GPATCH2L: variants seen among roughly 807,000 people sequenced by gnomAD.
GPATCH2L encodes the protein G patch domain-containing protein 2-like.
In GPATCH2L, 31 loss-of-function variants were observed where a neutral mutation model predicts 57.4. The observed-to-expected ratio is 0.54, with a 90% confidence interval of 0.41 to 0.73. GPATCH2L has a LOEUF of 0.73. Among genes scored for constraint, GPATCH2L ranks in the 30% least tolerant of loss-of-function variants. The pLI, the probability that GPATCH2L is intolerant of heterozygous loss-of-function variation, is 0.00. For synonymous variants in GPATCH2L, 199 were observed against 210.7 expected (o/e 0.94, Z 0.48); for missense variants, 481 against 599.9 (o/e 0.80, Z 2.07).
chr14:76,231,963 T>TGCAGC (rs375163040), intron 2 of GPATCH2L, among the ~76,000 whole-genome samples: 1 of 57,636 alleles, frequency 1.7e-5, no homozygotes, highest in African/African-American at 4.6e-5. Flanking sequence ...GGCAAACACA[T>TGCAGC]CTCACTGCAG....
chr14:76,169,773 G>C (rs984388971), intron 3 of GPATCH2L, among the ~76,000 whole-genome samples: 1 of 152,190 alleles, frequency 6.6e-6, no homozygotes, highest in Non-Finnish European at 1.5e-5. Context: ...GAATGCTTAT[G>C]AATAAGAAAA....
intron 9 of GPATCH2L, 87 bp from the exon 10 acceptor site, chr14:76,201,604 T>G: frequency 9.4e-7 from 1 of 1,068,810 alleles, no homozygotes; most frequent in Non-Finnish European, 1.3e-6. Context: ...AAGAAAATTT[T>G]TTTTCTAAGT....
chr14:76,198,695 A>G (rs981569302), intron 9 of GPATCH2L, among the ~76,000 whole-genome samples: 1 of 152,204 alleles, frequency 6.6e-6, no homozygotes, highest in African/African-American at 2.4e-5. Context: ...TTAATTAGTT[A>G]CATCAGGTTT....
At chr14:76,160,251 G>A (rs2038517720) in intron 2 of GPATCH2L, among the ~76,000 whole-genome samples, 1 of 152,178 alleles carries the variant, frequency 6.6e-6, no homozygotes, top group Admixed American at 6.5e-5. Flanking sequence ...AACTGGCCTT[G>A]CATTTCTGAA....
At chr14:76,218,935 T>A (rs1188967158), downstream of GPATCH2L, among the ~76,000 whole-genome samples, 1 of 150,550 alleles carries the variant, frequency 6.6e-6, no homozygotes, top group African/African-American at 2.4e-5. Context: ...ATACTTCACC[T>A]CTTATACCAG....
chr14:76,227,557 T>C (rs2040541333), intron 1 of GPATCH2L, among the ~76,000 whole-genome samples: 1 of 152,222 alleles, frequency 6.6e-6, no homozygotes, highest in African/African-American at 2.4e-5. Flanking sequence ...AACCCACAGC[T>C]TCAGTGGCAG....
At chr14:76,157,179 C>G (rs554640093) in intron 2 of GPATCH2L, among the ~76,000 whole-genome samples, 1 of 152,156 alleles carries the variant, frequency 6.6e-6, no homozygotes, top group African/African-American at 2.4e-5. Context: ...TCTAAATTCC[C>G]CTTGACTTGT....
At chr14:76,157,329 T>C (rs2139557225) in intron 2 of GPATCH2L, among the ~76,000 whole-genome samples, 1 of 152,338 alleles carries the variant, frequency 6.6e-6, no homozygotes, top group African/African-American at 2.4e-5. Flanking sequence ...GGAACTAAAA[T>C]CTCCCTTAAT....
rs185825232 is a variant in GPATCH2L at position 76,207,772 on chromosome 14, C to T, written c.*5921C>T. 13 of 152,188 alleles carry T rather than the reference C, an allele frequency of 8.5e-5. 1 individual carries two copies. The highest frequency in any genetic ancestry group is 7.2e-4 in the Admixed American group (11 of 15,280). 9.4% of individuals were successfully genotyped at this position (152,188 alleles called of 1,614,324 possible). A position where few individuals can be genotyped will look rare whatever the true frequency, so the allele number is the denominator to read the frequency against. On this transcript the variant is annotated 3_prime_UTR_variant, in exon 10 of 10. Coordinates refer to ENST00000261530, the MANE Select transcript of GPATCH2L (RefSeq NM_017926.4). ...TTTTGGTTGTTGTTATTGTCTGACT[C>T]GTGGATTCAGCATTTCAGAATATGG...
rs192281252 is a variant in GPATCH2L, at chr14:76,154,096, G to C, written c.-10-258G>C. The C allele has an allele frequency of 2.3e-5, 8 of 344,342 alleles. No homozygotes were observed. The Admixed American group carries it at 3.5e-4, about 15-fold the overall frequency. The allele number at this position is 344,342 out of a possible 1,614,324, so 21.3% of individuals were successfully genotyped here. A position where few individuals can be genotyped will look rare whatever the true frequency, so the allele number is the denominator to read the frequency against. ...GTCCCAGTTGTCTTCTGGTTAGTAG[G>C]TTTTTGTGCTTAAGAATATGTTGAC... On this transcript the variant is annotated intron_variant, in intron 1 of 9. Coordinates refer to ENST00000261530, the MANE Select transcript of GPATCH2L (RefSeq NM_017926.4). The surrounding 1 kb of genome is among the most constrained non-coding windows in gnomAD (Gnocchi z 4.4).
In GPATCH2L at chr14:76,180,636, C is replaced by T. The variant is rs141318792; in HGVS notation, c.1108-128C>T. On this transcript the variant is annotated intron_variant, in intron 7 of 9. Coordinates refer to ENST00000261530, the MANE Select transcript of GPATCH2L (RefSeq NM_017926.4). ...ATGAAATATGTGTGACTTTACTGAA[C>T]AGTGCCTGTGTTTGGTATAACAAGA... 5 of 690,520 alleles carry T rather than the reference C, an allele frequency of 7.2e-6. No individual in the cohort carries two copies. The East Asian group carries it at 1.3e-4, about 17-fold the overall frequency. The allele number at this position is 690,520 out of a possible 1,614,324, so 42.8% of individuals were successfully genotyped here.
chr14:76,187,360 C>A (rs2039806620), intron 8 of GPATCH2L, among the ~76,000 whole-genome samples: 1 of 152,044 alleles, frequency 6.6e-6, no homozygotes, highest in Non-Finnish European at 1.5e-5. Context: ...TCTTTTATCT[C>A]CCTCTGCACA....
chr14:76,201,795 G>A lies in GPATCH2L; in HGVS notation c.1393G>A (p.Ala465Thr), dbSNP rs2139827496. 3 of 1,614,038 alleles carry A rather than the reference G, an allele frequency of 1.9e-6. No homozygotes were observed. Among genetic ancestry groups the A allele is most frequent in the Non-Finnish European group, 2.5e-6 (3 of 1,179,944 alleles). ...RTSAAEKATD[A>T]TTATFFKMPQ... ...CTCTGCAGCAGAGAAAGCCACAGAC[G>A]CAACTACTGCTACATTTTTTAAAAT... is the stretch of plus-strand genomic sequence containing the variant. Residue 465 changes from alanine (A) to threonine (T), a missense_variant, in exon 10 of 10, where the codon GCA (alanine) becomes ACA (threonine). Coordinates refer to ENST00000261530, the MANE Select transcript of GPATCH2L (RefSeq NM_017926.4).
chr14:76,152,786 T>G (rs1421130235), intron 1 of GPATCH2L: 1 of 454,516 alleles, frequency 2.2e-6, no homozygotes, highest in African/African-American at 2.0e-5. Flanking sequence ...ATTTGTTCTT[T>G]TGTTTTTGTT....
At chr14:76,219,804 T>C (rs1239707052) in intron 1 of GPATCH2L, among the ~76,000 whole-genome samples, 1 of 152,146 alleles carries the variant, frequency 6.6e-6, no homozygotes, top group Non-Finnish European at 1.5e-5. Flanking sequence ...ATAGTGTCTT[T>C]TGGGAGCTGG....
downstream of GPATCH2L, among the ~76,000 whole-genome samples, chr14:76,217,555 TA>T (rs1459260258): frequency 2.0e-5 from 3 of 151,276 alleles, no homozygotes; most frequent in African/African-American, 7.3e-5. Flanking sequence ...TAAATACTAC[TA>T]AAAATTTAGA....
intron 1 of GPATCH2L, among the ~76,000 whole-genome samples, chr14:76,223,231 ATATCT>A (rs2040523187): frequency 6.6e-6 from 1 of 152,210 alleles, no homozygotes; most frequent in Non-Finnish European, 1.5e-5. Context: ...ATACTTATAA[ATATCT>A]TAAAGAAAAT....
chr14:76,231,659 T>C (rs375423995), intron 2 of GPATCH2L, among the ~76,000 whole-genome samples: 5 of 121,528 alleles, frequency 4.1e-5, no homozygotes, highest in Middle Eastern at 4.7e-3. Flanking sequence ...ACTCTTCTGG[T>C]TATCAAACTA....
intron 2 of GPATCH2L, among the ~76,000 whole-genome samples, chr14:76,163,275 A>G (rs2038682377): frequency 6.6e-6 from 1 of 152,222 alleles, no homozygotes; most frequent in South Asian, 2.1e-4. Flanking sequence ...GCAGCATAAT[A>G]ATTAATATAA....
Sources: allele counts gnomAD v4.1 joint callset (sites outside exome capture counted in the v4.1 genomes callset), GRCh38; gene constraint gnomAD v4.1.1; non-coding constraint Gnocchi (gnomAD v3.1); transcripts MANE v1.5; gene names NCBI Gene and HGNC (gene_info 2026-07-23, HGNC 2026-07-21).